Variants in RUNX2 observed in about 807,000 individuals in gnomAD.
RUNX2 encodes runt-related transcription factor 2.
RUNX2 carries 10 observed loss-of-function variants against 51.7 expected under a neutral mutation model. The ratio of observed to expected loss-of-function variants is 0.19; its 90% CI spans 0.12 to 0.33. RUNX2 has a LOEUF of 0.33. Among genes scored for constraint, RUNX2 ranks in the 10% least tolerant of loss-of-function variants. RUNX2 has a pLI of 1.00. For synonymous variants in RUNX2, 276 were observed against 273.6 expected (o/e 1.01, Z -0.09); for missense variants, 562 against 691.3 (o/e 0.81, Z 2.10).
At chr6:45,351,426 G>C (rs1455712867) in intron 2 of RUNX2, among the ~76,000 whole-genome samples, 1 of 152,090 alleles carries the variant, frequency 6.6e-6, no homozygotes, top group African/African-American at 2.4e-5. Context: ...TGGTGAGGAA[G>C]AGAGAAAAAT....
intron 2 of RUNX2, among the ~76,000 whole-genome samples, chr6:45,404,249 G>A (rs1797781473): frequency 1.3e-5 from 1 of 78,208 alleles, no homozygotes. Context: ...GACAGAGCAA[G>A]ACTCTGTCTC....
intron 2 of RUNX2, among the ~76,000 whole-genome samples, chr6:45,336,366 A>G (rs1033313956): frequency 2.0e-5 from 3 of 151,442 alleles, no homozygotes; most frequent in African/African-American, 7.2e-5. Flanking sequence ...CAATAGGACT[A>G]GAGAAAACAC....
chr6:45,329,571 C>G (rs1421603346), intron 2 of RUNX2, among the ~76,000 whole-genome samples: 5 of 151,886 alleles, frequency 3.3e-5, no homozygotes, highest in African/African-American at 1.2e-4. Flanking sequence ...AACACTGAAA[C>G]GTCTAAGATT....
intron 2 of RUNX2, among the ~76,000 whole-genome samples, chr6:45,336,502 C>T (rs946392801): frequency 6.6e-6 from 1 of 151,352 alleles, no homozygotes; most frequent in African/African-American, 2.4e-5. Flanking sequence ...ACACAAGACA[C>T]ACTAAAATCA....
chr6:45,500,582 G>A lies in RUNX2; in HGVS notation c.859+8468G>A, dbSNP rs144213732. ...TGTCTTAGGAAGGTGAAACCTGACA[G>A]ATAGTTTTAGGTGGGGAGTGGGTGA... On this transcript the variant is annotated intron_variant, in intron 6 of 8. Coordinates refer to ENST00000647337, the MANE Select transcript of RUNX2 (RefSeq NM_001024630.4). 2.0e-5 allele frequency among the ~76,000 whole-genome samples: 3 copies of A among 152,328 alleles called. No individual in the cohort carries two copies. The East Asian group carries it at 5.8e-4, about 29-fold the overall frequency.
At chr6:45,444,023 A>G (rs1282063773) in intron 5 of RUNX2, among the ~76,000 whole-genome samples, 1 of 152,124 alleles carries the variant, frequency 6.6e-6, no homozygotes, top group African/African-American at 2.4e-5. Context: ...GCTAATTTTT[A>G]TATTTTTAGT....
intron 6 of RUNX2, among the ~76,000 whole-genome samples, chr6:45,504,327 A>G (rs1800892970): frequency 6.6e-6 from 1 of 152,232 alleles, no homozygotes; most frequent in Non-Finnish European, 1.5e-5. Flanking sequence ...CTGAGTGGTT[A>G]GCATCATAGC....
At chr6:45,479,762 G>A (rs558933244) in intron 5 of RUNX2, among the ~76,000 whole-genome samples, 4 of 152,152 alleles carry the variant, frequency 2.6e-5, no homozygotes, top group East Asian at 1.9e-4. Context: ...AAATGTAATC[G>A]CTCGAAGGAT....
At position 45,397,403 on chromosome 6, in the gene RUNX2, C is replaced by G. The variant is rs1797607648; in HGVS notation, c.59-25190C>G. On this transcript the variant is annotated intron_variant, in intron 2 of 8. Coordinates refer to ENST00000647337, the MANE Select transcript of RUNX2 (RefSeq NM_001024630.4). ...GGATTACAGGCGTGAGCAACCATGC[C>G]CGGCATATATTTCAAACTTTTAAAA... Among the ~76,000 whole-genome samples, 3 of 152,106 alleles carry G rather than the reference C, an allele frequency of 2.0e-5. 1 individual carries two copies. In the South Asian group the frequency reaches 6.2e-4, roughly 32 times the overall value.
intron 7 of RUNX2, among the ~76,000 whole-genome samples, chr6:45,520,220 C>T (rs187982820): frequency 4.6e-5 from 7 of 152,304 alleles, no homozygotes; most frequent in Admixed American, 3.3e-4. Flanking sequence ...TTGTTGCTGA[C>T]TTTGTCAGTG....
intron 2 of RUNX2, among the ~76,000 whole-genome samples, chr6:45,329,491 C>T (rs1787023391): frequency 1.3e-5 from 2 of 151,630 alleles, no homozygotes; most frequent in Admixed American, 1.3e-4. Flanking sequence ...CATGCAACTG[C>T]ATTTTTCTAT....
intron 5 of RUNX2, among the ~76,000 whole-genome samples, chr6:45,440,860 A>G (rs1279205437): frequency 1.3e-5 from 2 of 152,300 alleles, no homozygotes; most frequent in East Asian, 1.9e-4. Flanking sequence ...TTGTGGCATC[A>G]TATTGGTGCT....
chr6:45,510,057 C>T (rs1448993935), intron 6 of RUNX2, among the ~76,000 whole-genome samples: 1 of 152,142 alleles, frequency 6.6e-6, no homozygotes, highest in African/African-American at 2.4e-5. Context: ...GAATCTTTTT[C>T]CATCTGAAGA....
intron 2 of RUNX2, among the ~76,000 whole-genome samples, chr6:45,367,843 CAATTTTTATATCAAACAGGTG>C (rs897427739): frequency 6.6e-6 from 1 of 152,160 alleles, no homozygotes; most frequent in Non-Finnish European, 1.5e-5. Context: ...ACAGTCAAGT[CAATTTTTATATCAAACAGGTG>C]AATAACATTT....
At chr6:45,345,469 C>A (rs1179073870) in intron 2 of RUNX2, among the ~76,000 whole-genome samples, 1 of 152,126 alleles carries the variant, frequency 6.6e-6, no homozygotes, top group Non-Finnish European at 1.5e-5. Flanking sequence ...GACTCCTCAA[C>A]CAGGATACAA....
chr6:45,456,131 A>C (rs1799311241), intron 5 of RUNX2, among the ~76,000 whole-genome samples: 1 of 152,208 alleles, frequency 6.6e-6, no homozygotes, highest in South Asian at 2.1e-4. Context: ...AAAAAAGGTA[A>C]AAAGTCATTT....
chr6:45,530,793 CG>C lies in RUNX2; in HGVS notation c.1022-14422del, dbSNP rs1801818373. The stretch of plus-strand genomic sequence containing the variant: ...CTCTGTAACAGCTCTTTTCTGATGG[CG>C]GAAAGTACTTAAAGCTCACAGATAA... On this transcript the variant is annotated intron_variant, in intron 7 of 8. Coordinates refer to ENST00000647337, the MANE Select transcript of RUNX2 (RefSeq NM_001024630.4). 2.0e-5 allele frequency among the ~76,000 whole-genome samples: 3 copies of C among 152,126 alleles called. No individual in the cohort carries two copies. In the South Asian group the frequency reaches 6.2e-4, roughly 32 times the overall value.
chr6:45,477,036 C>T (rs1040923858), intron 5 of RUNX2, among the ~76,000 whole-genome samples: 2 of 152,132 alleles, frequency 1.3e-5, no homozygotes, highest in Admixed American at 6.6e-5. Flanking sequence ...CCATTGTGAC[C>T]TAACTTTGTG....
chr6:45,526,945 C>T (rs1801690269), intron 7 of RUNX2, among the ~76,000 whole-genome samples: 1 of 151,902 alleles, frequency 6.6e-6, no homozygotes, highest in African/African-American at 2.4e-5. Context: ...GCCTGATGCT[C>T]AATAAATGTT....
Sources: allele counts gnomAD v4.1 joint callset (sites outside exome capture counted in the v4.1 genomes callset), GRCh38; gene constraint gnomAD v4.1.1; transcripts MANE v1.5; gene names NCBI Gene and HGNC (gene_info 2026-07-23, HGNC 2026-07-21).